Variants in KIF4A observed in about 807,000 individuals in gnomAD.
KIF4A encodes chromosome-associated kinesin KIF4A.
A neutral mutation model predicts 105.9 loss-of-function variants in KIF4A; 7 were observed. The ratio of observed to expected loss-of-function variants is 0.07; its 90% CI spans 0.04 to 0.12. The LOEUF is 0.12. Among genes scored for constraint, KIF4A ranks in the 10% least tolerant of loss-of-function variants. The pLI, the probability that KIF4A is intolerant of heterozygous loss-of-function variation, is 1.00. For missense variants in KIF4A, 558 were observed against 929.2 expected (o/e 0.60, Z 5.19); for synonymous variants, 281 against 331.3 (o/e 0.85, Z 1.65).
At chrX:70,360,212 A>G (rs2086069307) in intron 15 of KIF4A, among the ~76,000 whole-genome samples, 1 of 112,311 alleles carries the variant, frequency 8.9e-6, no homozygotes, top group Admixed American at 9.4e-5. Context: ...TATAAAATTA[A>G]CACTGCACTT....
At chrX:70,392,759 A>G (rs1420689424) in intron 20 of KIF4A, among the ~76,000 whole-genome samples, 2 of 108,955 alleles carry the variant, frequency 1.8e-5, no homozygotes, top group African/African-American at 6.6e-5. Context: ...GTAAAATGGT[A>G]ATTTTTATGT....
intron 15 of KIF4A, among the ~76,000 whole-genome samples, chrX:70,363,218 G>A (rs980258628): frequency 2.9e-4 from 30 of 104,479 alleles, no homozygotes; most frequent in African/African-American, 9.8e-4. Context: ...TAAATGTGGT[G>A]TATATAATGA....
At chrX:70,334,464 TC>T (rs940339455) in intron 10 of KIF4A, among the ~76,000 whole-genome samples, 4 of 112,313 alleles carry the variant, frequency 3.6e-5, no homozygotes, top group Admixed American at 1.9e-4. Context: ...AACTTCTTTC[TC>T]CAACAGTAAG....
intron 20 of KIF4A, among the ~76,000 whole-genome samples, chrX:70,390,056 A>C (rs2086232166): frequency 8.9e-6 from 1 of 112,186 alleles, no homozygotes; most frequent in Admixed American, 9.5e-5. Context: ...TTTAGTTTTT[A>C]GTGTACAAGC....
At chrX:70,376,824 GA>G (rs754806712) in intron 18 of KIF4A, among the ~76,000 whole-genome samples, 1 of 111,875 alleles carries the variant, frequency 8.9e-6, no homozygotes, top group Non-Finnish European at 1.9e-5. Flanking sequence ...AGGGTTTTTA[GA>G]AAGTGATATC....
At chrX:70,306,862 C>T (rs1254445737) in intron 7 of KIF4A, among the ~76,000 whole-genome samples, 1 of 106,896 alleles carries the variant, frequency 9.4e-6, no homozygotes, top group Non-Finnish European at 1.9e-5. Flanking sequence ...TTTTTAGAGA[C>T]AAGATCTTGC....
At chrX:70,375,952 T>TC in intron 17 of KIF4A, 148 bp from the exon 18 acceptor site, 1 of 423,745 alleles carries the variant, frequency 2.4e-6, no homozygotes. Flanking sequence ...GCAAGGGGTA[T>TC]TGTAAGCCTA....
At chrX:70,314,545 G>A (rs1050451232) in intron 7 of KIF4A, among the ~76,000 whole-genome samples, 10 of 111,669 alleles carry the variant, frequency 9.0e-5, no homozygotes, top group Admixed American at 6.7e-4. Context: ...CAGATTTGGA[G>A]TACATATTAG....
chrX:70,320,176 G>A (rs2085885119), intron 7 of KIF4A, among the ~76,000 whole-genome samples: 1 of 111,321 alleles, frequency 9.0e-6, no homozygotes. Flanking sequence ...CCCATTACCT[G>A]CTGTTAGTTC....
At chrX:70,362,302 CT>C in intron 15 of KIF4A, 1 of 341,223 alleles carries the variant, frequency 2.9e-6, no homozygotes, top group Non-Finnish European at 5.7e-6. Context: ...AAACTCAGCT[CT>C]TTCTCCGTGG....
At chrX:70,328,142 A>G (rs760462113) in intron 7 of KIF4A, among the ~76,000 whole-genome samples, 14 of 112,252 alleles carry the variant, frequency 1.2e-4, no homozygotes, top group African/African-American at 4.5e-4. Flanking sequence ...TAGAGCTAAC[A>G]ATAATGATAC....
In KIF4A at chrX:70,405,847, T is replaced by C. The variant is rs1363711150; in HGVS notation, c.2918T>C (p.Met973Thr). ...AAATAGGATGAAGAACTTGAGAAAA[T>C]GCGAGAAGTGTGTGAGCAAAATCAG... ...LKCQDEELEK[M>T]REVCEQNQQL... The change falls in exon 26 of 31, where the codon ATG (methionine) becomes ACG (threonine). Residue 973 changes from methionine (M) to threonine (T), a missense_variant. Physicochemically the swap from Met to Thr is moderately conservative, Grantham distance 81 (BLOSUM62 -1). Around this residue, in one of 2 missense-constraint regions of KIF4A, gnomAD observed 469 missense variants for 680.4 expected, o/e 0.69. Transcript: ENST00000374403. 1 of 1,207,904 alleles carries C rather than the reference T, an allele frequency of 8.3e-7. No homozygotes were observed. The highest frequency in any genetic ancestry group is 1.1e-6 in the Non-Finnish European group (1 of 892,414).
chrX:70,295,951 GA>G (rs2085781210), intron 3 of KIF4A, among the ~76,000 whole-genome samples: 7 of 14,323 alleles, frequency 4.9e-4, no homozygotes, highest in African/African-American at 5.9e-4. Context: ...CTATTTCTCA[GA>G]GATAAACATC....
At chrX:70,386,268 A>T (rs1008407831) in intron 18 of KIF4A, among the ~76,000 whole-genome samples, 1 of 111,328 alleles carries the variant, frequency 9.0e-6, no homozygotes, top group Non-Finnish European at 1.9e-5. Flanking sequence ...AGGAGACCTG[A>T]ATCCCACCTC....
Position 70,417,501 on chromosome X carries a change from G to C in KIF4A, c.3256-387G>C, listed in dbSNP as rs185950076. Among the ~76,000 whole-genome samples the C allele has an allele frequency of 3.1e-3, 348 of 111,970 alleles. 2 individuals carry two copies. The highest frequency in any genetic ancestry group is 0.011 in the African/African-American group (339 of 30,812). The stretch of plus-strand genomic sequence containing the variant: ...GTCTCTACTGAAAATACAAAAAGTA[G>C]CCGGGCATGGTGGCAGGCACCTGTA... On this transcript the variant is annotated intron_variant, in intron 28 of 30. Coordinates refer to ENST00000374403, the MANE Select transcript of KIF4A (RefSeq NM_012310.5).
intron 7 of KIF4A, among the ~76,000 whole-genome samples, chrX:70,322,456 C>A (rs983763550): frequency 1.8e-5 from 2 of 109,240 alleles, no homozygotes; most frequent in Non-Finnish European, 3.8e-5. Context: ...GGACTACAGG[C>A]GCCCACCACC....
intron 15 of KIF4A, among the ~76,000 whole-genome samples, chrX:70,371,728 G>A (rs1181377917): frequency 3.4e-4 from 37 of 109,152 alleles, no homozygotes; most frequent in East Asian, 6.0e-4. Context: ...CCTCCCGGAC[G>A]GGGCGGCTGC....
In KIF4A at chrX:70,388,849, T is replaced by C. The variant is rs562939143; in HGVS notation, c.2232+1552T>C. Among the ~76,000 whole-genome samples the C allele has an allele frequency of 9.4e-4, 106 of 112,739 alleles. 1 individual carries two copies. In the South Asian group the frequency reaches 0.038, roughly 40 times the overall value. On this transcript the variant is annotated intron_variant, in intron 20 of 30. Coordinates refer to ENST00000374403, the MANE Select transcript of KIF4A (RefSeq NM_012310.5). ...TTTTCTCCCTGGCTGTGGCTTGCCC[T>C]TTTCAATTTGTAACAGTGTCTTTTG...
chrX:70,374,041 T>C lies in KIF4A; in HGVS notation c.1675-110T>C, dbSNP rs1012952518. On this transcript the variant is annotated intron_variant, in intron 15 of 30. Transcript: ENST00000374403. ...AAGAGTAAATGTTTTCAGCGTGCAG[T>C]TGAAGTGGTAAAAATTAATGCATAG... The C allele has an allele frequency of 2.3e-5, 9 of 387,350 alleles. No individual in the cohort carries two copies. In the African/African-American group the frequency reaches 2.4e-4, roughly 10 times the overall value. The allele number at this position is 387,350 out of a possible 1,213,427, so 31.9% of individuals were successfully genotyped here.
Sources: gnomAD v4.1 joint callset for allele counts (sites outside exome capture counted in the v4.1 genomes callset) on GRCh38, gnomAD v4.1.1 for gene constraint, gnomAD v4.1.1 regional missense constraint, MANE v1.5 for transcripts, NCBI Gene and HGNC (gene_info 2026-07-23, HGNC 2026-07-21) for gene names.